The following L3MBTL4 variants were observed in gnomAD, a reference collection of about 807,000 sequenced individuals.
The protein encoded by L3MBTL4 is lethal(3)malignant brain tumor-like protein 4.
Under a neutral mutation model 84.5 loss-of-function variants are expected in L3MBTL4, and 70 were observed. That is an observed-to-expected ratio of 0.83 (90% CI 0.68 to 1.01). The LOEUF is 1.01. Ranked by LOEUF, L3MBTL4 falls within the 50% of genes least tolerant of loss-of-function variation. The probability of loss-of-function intolerance (pLI) is 0.00; values close to 1 mark genes in which losing one functional copy is unlikely to be tolerated. For synonymous variants in L3MBTL4, 274 were observed against 259.8 expected (o/e 1.05, Z -0.52); for missense variants, 715 against 754.8 (o/e 0.95, Z 0.62).
intron 14 of L3MBTL4, among the ~76,000 whole-genome samples, chr18:6,118,993 CTTTTTTTTTTTTT>C (rs779523685): frequency 4.8e-5 from 4 of 83,714 alleles, no homozygotes; most frequent in African/African-American, 1.4e-4. Flanking sequence ...TTTTTGGTTT[CTTTTTTTTTTTTT>C]TTTTTTTTTT....
intron 10 of L3MBTL4, among the ~76,000 whole-genome samples, chr18:6,228,657 T>C (rs199846970): frequency 1.3e-5 from 2 of 152,156 alleles, no homozygotes; most frequent in East Asian, 3.9e-4. Flanking sequence ...ATTAGGGAAA[T>C]GGCAAAACAA....
intron 16 of L3MBTL4, chr18:6,046,639 G>T: frequency 1.5e-6 from 1 of 666,432 alleles, no homozygotes. Flanking sequence ...TAGAAAACTT[G>T]CACCTGAATG....
chr18:6,292,571 A>G (rs1336339396), intron 4 of L3MBTL4, among the ~76,000 whole-genome samples: 1 of 152,134 alleles, frequency 6.6e-6, no homozygotes, highest in African/African-American at 2.4e-5. Flanking sequence ...CCCCTATTGT[A>G]GGACAGAGAC....
At chr18:6,400,297 C>T (rs1484459327) in intron 1 of L3MBTL4, among the ~76,000 whole-genome samples, 1 of 152,236 alleles carries the variant, frequency 6.6e-6, no homozygotes, top group Admixed American at 6.5e-5. Flanking sequence ...ATTGAATGCA[C>T]TTTGCCTGGG....
chr18:6,107,035 C>T (rs1400199859), intron 14 of L3MBTL4, among the ~76,000 whole-genome samples: 1 of 152,090 alleles, frequency 6.6e-6, no homozygotes, highest in East Asian at 1.9e-4. Flanking sequence ...AATGATATAT[C>T]ATAACAATAG....
intron 13 of L3MBTL4, among the ~76,000 whole-genome samples, chr18:6,147,581 T>C (rs1464868597): frequency 1.3e-5 from 2 of 152,190 alleles, no homozygotes; most frequent in Non-Finnish European, 2.9e-5. Context: ...GATGGCAATA[T>C]TAGTAGAGAA....
In L3MBTL4 at chr18:6,048,026, C is replaced by T. The variant is rs1335381283; in HGVS notation, c.1444+32855G>A. On this transcript the variant is annotated intron_variant, in intron 16 of 18. Transcript: ENST00000317931. ...AAACCCTAAAGACTCTACCAAAAGCCTCCTAGAACAGGTAAACAACTTCAG... is the reference window on the plus strand; with the variant it reads ...AAACCCTAAAGACTCTACCAAAAGCTTCCTAGAACAGGTAAACAACTTCAG... Among the ~76,000 whole-genome samples the T allele has an allele frequency of 2.0e-5, 3 of 152,174 alleles. No individual in the cohort carries two copies. In the East Asian group the frequency reaches 5.8e-4, roughly 29 times the overall value.
chr18:6,138,249 G>C lies in L3MBTL4; in HGVS notation c.1144C>G (p.Pro382Ala). 6.2e-7 allele frequency: 1 copy of C among 1,613,502 alleles called. No individual in the cohort carries two copies. ...ILPGQAVCPT[P>A]GCRGIGHIRG... ...ATATGGCCTATTCCTCGGCACCCGGGAGTAGGACAGACAGCTTGACCTGGA... is the reference window on the plus strand; with the variant it reads ...ATATGGCCTATTCCTCGGCACCCGGCAGTAGGACAGACAGCTTGACCTGGA... Residue 382 changes from proline (P) to alanine (A), a missense_variant, in exon 14 of 19, where the codon CCC (proline) becomes GCC (alanine). Physicochemically the swap from Pro to Ala is conservative, Grantham distance 27. Transcript: ENST00000317931.
At chr18:6,127,293 G>GA (rs2059725014) in intron 14 of L3MBTL4, among the ~76,000 whole-genome samples, 1 of 152,154 alleles carries the variant, frequency 6.6e-6, no homozygotes, top group Non-Finnish European at 1.5e-5. Context: ...TATAAATTAT[G>GA]AATTTTTTTA....
At chr18:6,323,665 C>G (rs2051547973) in intron 1 of L3MBTL4, among the ~76,000 whole-genome samples, 2 of 152,092 alleles carry the variant, frequency 1.3e-5, no homozygotes, top group African/African-American at 4.8e-5. Flanking sequence ...ACAGCCTAGG[C>G]TCATATAACA....
chr18:6,342,294 G>A (rs1026612458), intron 1 of L3MBTL4, among the ~76,000 whole-genome samples: 1 of 151,924 alleles, frequency 6.6e-6, no homozygotes, highest in Non-Finnish European at 1.5e-5. Flanking sequence ...AAGTTAAAAG[G>A]CAAAAGTATT....
At chr18:6,023,401 A>G (rs557928954) in intron 16 of L3MBTL4, among the ~76,000 whole-genome samples, 27 of 152,338 alleles carry the variant, frequency 1.8e-4, no homozygotes, top group African/African-American at 6.3e-4. Context: ...AAATCTGCAG[A>G]AAGTGAGCCA....
chr18:6,004,346 A>G (rs552211146), intron 16 of L3MBTL4, among the ~76,000 whole-genome samples: 6 of 152,334 alleles, frequency 3.9e-5, no homozygotes, highest in African/African-American at 1.4e-4. Context: ...GAAAATCTGA[A>G]TGGACCTATA....
At chr18:6,144,854 A>G (rs1211801146) in intron 13 of L3MBTL4, among the ~76,000 whole-genome samples, 1 of 152,192 alleles carries the variant, frequency 6.6e-6, no homozygotes, top group Non-Finnish European at 1.5e-5. Context: ...CACTCATGAG[A>G]TGATAAGCAC....
chr18:6,211,024 C>T (rs1599164044), intron 12 of L3MBTL4, among the ~76,000 whole-genome samples: 1 of 152,146 alleles, frequency 6.6e-6, no homozygotes, highest in African/African-American at 2.4e-5. Context: ...TCACAACAAG[C>T]CTGTGAGGCA....
intron 5 of L3MBTL4, among the ~76,000 whole-genome samples, chr18:6,248,404 G>T (rs984123430): frequency 3.3e-5 from 5 of 152,088 alleles, no homozygotes; most frequent in Non-Finnish European, 7.4e-5. Context: ...ATATCCATTT[G>T]AAATACAATT....
At chr18:6,290,726 T>C (rs2049825244) in intron 4 of L3MBTL4, among the ~76,000 whole-genome samples, 2 of 151,696 alleles carry the variant, frequency 1.3e-5, no homozygotes, top group African/African-American at 2.4e-5. Flanking sequence ...CAGGGTTTCA[T>C]CATGTTGGCC....
intron 12 of L3MBTL4, among the ~76,000 whole-genome samples, chr18:6,190,398 C>T (rs892464813): frequency 6.6e-6 from 1 of 152,154 alleles, no homozygotes; most frequent in African/African-American, 2.4e-5. Flanking sequence ...CTGAGCTGTA[C>T]ACTTAAATTG....
chr18:6,009,246 G>T (rs1598423627), intron 16 of L3MBTL4, among the ~76,000 whole-genome samples: 1 of 152,300 alleles, frequency 6.6e-6, no homozygotes, highest in East Asian at 1.9e-4. Flanking sequence ...GGGGCCTCAG[G>T]CTGACAGTAC....
Sources: allele counts gnomAD v4.1 joint callset (sites outside exome capture counted in the v4.1 genomes callset), GRCh38; gene constraint gnomAD v4.1.1; transcripts MANE v1.5; gene names NCBI Gene and HGNC (gene_info 2026-07-23, HGNC 2026-07-21).